The following MUC17 variants were observed in gnomAD, a reference collection of about 807,000 sequenced individuals.
MUC17 encodes mucin-17.
Under a neutral mutation model 170.3 loss-of-function variants are expected in MUC17, and 190 were observed. The ratio of observed to expected loss-of-function variants is 1.12; its 90% CI spans 0.99 to 1.26. The LOEUF (loss-of-function observed/expected upper bound fraction) is 1.26, where lower values mean the gene tolerates loss of function less well. MUC17 is among the 50% of genes most tolerant of loss of function. The pLI is 0.00. For missense variants in MUC17, 6,415 were observed against 5,530.0 expected, an observed-to-expected ratio of 1.16 and a Z score of -5.08; for synonymous variants, 2,325 against 2,002.5, an observed-to-expected ratio of 1.16 and a Z score of -4.30.
chr7:101,033,813 A>C lies in MUC17; in HGVS notation c.2397A>C (p.Ser799=). 1.9e-6 allele frequency: 3 copies of C among 1,613,836 alleles called. No homozygotes were observed. Among genetic ancestry groups the C allele is most frequent in the Non-Finnish European group, 2.5e-6 (3 of 1,179,942 alleles). ...TTTEGTSMPI[S]TPSEGSPLLT... ...CTGAAGGTACCAGCATGCCAATCTC[A>C]ACTCCTAGTGAAGGAAGTCCTTTAT... Residue 799 remains serine (S), a synonymous_variant, in exon 3 of 13, where the codon TCA becomes TCC. Transcript: ENST00000306151.
At chr7:101,049,418 C>A in intron 6 of MUC17, 36 bp downstream of exon 6, 1 of 1,594,792 alleles carries the variant, frequency 6.3e-7, no homozygotes. Flanking sequence ...GGGTCTGTGG[C>A]GTGGAAGCAG....
In MUC17 at chr7:101,038,547, A is replaced by G. The variant is rs1562813192; in HGVS notation, c.7131A>G (p.Ser2377=). The G allele has an allele frequency of 6.2e-7, 1 of 1,614,112 alleles. No individual in the cohort carries two copies. Residue 2377 remains serine (S), a synonymous_variant, in exon 3 of 13, where the codon TCA becomes TCG. Transcript: ENST00000306151. ...TGACTACTTATTCTCAAGCCGGTTC[A>G]TCTCCTACAACTGCTGACGATACTA... ...TPVTTYSQAG[S]SPTTADDTSM... is the part of the protein sequence containing the mutation.
rs147334455 is a variant in MUC17 at position 101,042,410 on chromosome 7, C to G, written c.10994C>G (p.Pro3665Arg). ...ACACTTCCTGTTGACACCAGCACAC[C>G]TGTGATCACTTCTACCCAAGTCAGT... ...ASTLPVDTST[P>R]VITSTQVSSS... Residue 3665 changes from proline to arginine, a missense_variant, in exon 3 of 13, where the codon CCT becomes CGT. Physicochemically the swap from Pro to Arg is moderately radical, Grantham distance 103. Coordinates refer to ENST00000306151, the MANE Select transcript of MUC17 (RefSeq NM_001040105.2). 1 of 1,614,172 alleles carries G rather than the reference C, an allele frequency of 6.2e-7. No homozygotes were observed. The highest frequency in any genetic ancestry group is 8.5e-7 in the Non-Finnish European group (1 of 1,180,008).
Position 101,047,859 on chromosome 7 carries a change from G to A in MUC17, c.12404-125G>A, listed in dbSNP as rs114839475. 4.9e-4 allele frequency: 583 copies of A among 1,178,858 alleles called. 3 individuals carry two copies. The African/African-American group carries it at 8.4e-3, about 17-fold the overall frequency. The allele number at this position is 1,178,858 out of a possible 1,614,324, so 73.0% of individuals were successfully genotyped here. On this transcript the variant is annotated intron_variant, in intron 3 of 12. Transcript: ENST00000306151. The stretch of plus-strand genomic sequence containing the variant: ...AAAACAAACAAATTAGACAGTGTCC[G>A]TGCAAACGCATTGTAAGCTGTAAAG...
rs755642154 is a variant in MUC17 at position 101,033,086 on chromosome 7, G to T, written c.1670G>T (p.Gly557Val). Residue 557 changes from glycine (G) to valine (V), a missense_variant, in exon 3 of 13, where the codon GGT (glycine) becomes GTT (valine). Coordinates refer to ENST00000306151, the MANE Select transcript of MUC17 (RefSeq NM_001040105.2). ...EASSSSTTPEGTSIPTSTPSE... is the reference protein window; with the variant it reads ...EASSSSTTPEVTSIPTSTPSE... Reference sequence around the variant, plus strand: ...AGTTCATCTTCTACAACTCCTGAAGGTACCAGCATACCAACCTCAACTCCT... The same window carrying T: ...AGTTCATCTTCTACAACTCCTGAAGTTACCAGCATACCAACCTCAACTCCT... 4.4e-6 allele frequency: 7 copies of T among 1,597,640 alleles called. No individual in the cohort carries two copies. The highest frequency in any genetic ancestry group is 1.7e-4 in the Middle Eastern group (1 of 5,950).
chr7:101,051,364 CAAAAAAAAAA>C (rs398005597), intron 7 of MUC17, among the ~76,000 whole-genome samples: 18 of 52,150 alleles, frequency 3.5e-4, no homozygotes, highest in African/African-American at 8.9e-4. Flanking sequence ...TACTCCATCT[CAAAAAAAAAA>C]AAAAAAAAAA....
intron 4 of MUC17, 137 bp downstream of exon 4, chr7:101,048,252 G>T: frequency 1.2e-6 from 1 of 852,776 alleles, no homozygotes; most frequent in South Asian, 3.3e-5. Context: ...GTTTTGTTTT[G>T]TTTTGTTTTG....
In MUC17 at chr7:101,035,674, C is replaced by T. The variant is rs191195575; in HGVS notation, c.4258C>T (p.Pro1420Ser). The change falls in exon 3 of 13, where the codon CCT becomes TCT. Residue 1420 changes from proline (P) to serine (S), a missense_variant. Transcript: ENST00000306151. The stretch of plus-strand genomic sequence containing the variant: ...TGAGGCTAGCACCCTTTCAGCAACT[C>T]CTGTTGACACCAGCACCCCTGGGAC... ...SSEASTLSAT[P>S]VDTSTPGTTS... The T allele has an allele frequency of 3.7e-6, 6 of 1,608,334 alleles. No individual in the cohort carries two copies. In the East Asian group the frequency reaches 1.3e-4, roughly 36 times the overall value.
chr7:101,044,084 T>C (rs1018895681), intron 3 of MUC17, among the ~76,000 whole-genome samples: 1 of 152,168 alleles, frequency 6.6e-6, no homozygotes, highest in African/African-American at 2.4e-5. Flanking sequence ...AGTGAGAACA[T>C]TTGGTGTTTG....
Position 101,034,744 on chromosome 7 carries a change from A to T in MUC17, c.3328A>T (p.Thr1110Ser), listed in dbSNP as rs535755711. The T allele has an allele frequency of 1.9e-5, 31 of 1,606,678 alleles. No individual in the cohort carries two copies. Among genetic ancestry groups the T allele is most frequent in the Non-Finnish European group, 2.0e-5 (24 of 1,175,998 alleles). ...TCCACTAACAAGTGTGCCTGTCAGC[A>T]CCAGGCTGGTGGTCAGTTCTGAGGC... ...STPLTSVPVS[T>S]RLVVSSEAST... The change falls in exon 3 of 13, where the codon ACC (threonine) becomes TCC (serine). Residue 1110 changes from threonine (T) to serine (S), a missense_variant. Physicochemically the swap from Thr to Ser is moderately conservative, Grantham distance 58. Transcript: ENST00000306151.
In MUC17 at chr7:101,032,307, A is replaced by G. The variant is rs778229932; in HGVS notation, c.891A>G (p.Thr297=). Residue 297 remains threonine, a synonymous_variant, in exon 3 of 13, where the codon ACA becomes ACG. Coordinates refer to ENST00000306151, the MANE Select transcript of MUC17 (RefSeq NM_001040105.2). ...VVSSEASTLS[T]TPAATNIPVI... ...GTTCTGAGGCTAGCACCCTTTCAACAACTCCTGCTGCCACCAACATTCCTG... is the reference window on the plus strand; with the variant it reads ...GTTCTGAGGCTAGCACCCTTTCAACGACTCCTGCTGCCACCAACATTCCTG... 1.9e-6 allele frequency: 3 copies of G among 1,613,990 alleles called. No individual in the cohort carries two copies. The highest frequency in any genetic ancestry group is 4.5e-5 in the East Asian group (2 of 44,874).
At position 101,035,321 on chromosome 7, in the gene MUC17, C is replaced by T; in HGVS notation, c.3905C>T (p.Pro1302Leu). 2 of 1,610,600 alleles carry T rather than the reference C, an allele frequency of 1.2e-6. No homozygotes were observed. Among genetic ancestry groups the T allele is most frequent in the Admixed American group, 1.7e-5 (1 of 59,868 alleles). Reference sequence around the variant, plus strand: ...GAGGCTAGCACCCTTTTAACAACTCCTGTTGACACTAAAGGTCCTGTGGTC... The same window carrying T: ...GAGGCTAGCACCCTTTTAACAACTCTTGTTGACACTAAAGGTCCTGTGGTC... ...SPEASTLLTT[P>L]VDTKGPVVTS... Residue 1302 changes from proline (P) to leucine (L), a missense_variant, in exon 3 of 13, where the codon CCT becomes CTT. Pro to Leu is a moderately conservative substitution (Grantham distance 98). Transcript: ENST00000306151.
chr7:101,046,984 G>A (rs1442129504), intron 3 of MUC17, among the ~76,000 whole-genome samples: 1 of 151,770 alleles, frequency 6.6e-6, no homozygotes, highest in Non-Finnish European at 1.5e-5. Flanking sequence ...GGGAGGCTGA[G>A]GTAGGAGAAT....
chr7:101,047,296 C>T (rs1321989830), intron 3 of MUC17, among the ~76,000 whole-genome samples: 2 of 152,070 alleles, frequency 1.3e-5, no homozygotes, highest in Admixed American at 6.6e-5. Flanking sequence ...CAAGTTCACC[C>T]GGGTTCTCCC....
At position 101,033,274 on chromosome 7, in the gene MUC17, C is replaced by T. The variant is rs1794351009; in HGVS notation, c.1858C>T (p.Pro620Ser). Residue 620 changes from proline to serine, a missense_variant, in exon 3 of 13, where the codon CCA becomes TCA. Transcript: ENST00000306151. ...TACAACTGCTGAAGGTACCAGCATG[C>T]CAACCTCAACTTACAGTGAAAGAGG... ...SSTTAEGTSMPTSTYSERGTT... is the reference protein window; with the variant it reads ...SSTTAEGTSMSTSTYSERGTT... 3 of 1,614,010 alleles carry T rather than the reference C, an allele frequency of 1.9e-6. No homozygotes were observed. The highest frequency in any genetic ancestry group is 1.7e-6 in the Non-Finnish European group (2 of 1,179,964).
rs1795096886 is a variant in MUC17 at position 101,058,735 on chromosome 7, T to C, written c.*691T>C. The C allele has an allele frequency of 6.6e-6, 1 of 152,198 alleles. No homozygotes were observed. Among genetic ancestry groups the C allele is most frequent in the African/African-American group, 2.4e-5 (1 of 41,452 alleles). The allele number at this position is 152,198 out of a possible 1,614,324, so 9.4% of individuals were successfully genotyped here. A position where few individuals can be genotyped will look rare whatever the true frequency, so the allele number is the denominator to read the frequency against. On this transcript the variant is annotated 3_prime_UTR_variant, in exon 13 of 13. Transcript: ENST00000306151. ...ATTTAAATATAGAGCATTTACCTTTTGGTATATAAGATTGTGGGTATTTTT... is the reference window on the plus strand; with the variant it reads ...ATTTAAATATAGAGCATTTACCTTTCGGTATATAAGATTGTGGGTATTTTT...
intron 1 of MUC17, 51 bp downstream of exon 1, chr7:101,020,268 A>G: frequency 6.7e-7 from 1 of 1,495,826 alleles, no homozygotes; most frequent in African/African-American, 1.4e-5. Flanking sequence ...CCCAGGGGCC[A>G]GCCTGCTCTG....
Position 101,020,193 on chromosome 7 carries a change from C to T in MUC17, c.58C>T (p.Pro20Ser), listed in dbSNP as rs1486492414. 1 of 1,609,744 alleles carries T rather than the reference C, an allele frequency of 6.2e-7. No individual in the cohort carries two copies. Among genetic ancestry groups the T allele is most frequent in the Non-Finnish European group, 8.5e-7 (1 of 1,178,134 alleles). ...GCTGACCTTGGTCCTCTCGCTCTTG[C>T]CCCCACAAGCTGCTGCAGAACAGGG... ...CLLTLVLSLL[P>S]PQAAAEQDLS... The change falls in exon 1 of 13, where the codon CCC becomes TCC. Residue 20 changes from proline (P) to serine (S), a missense_variant. Coordinates refer to ENST00000306151, the MANE Select transcript of MUC17 (RefSeq NM_001040105.2).
rs74899795 is a variant in MUC17 at position 101,035,183 on chromosome 7, C to T, written c.3767C>T (p.Thr1256Ile). ...TSTPVTTSAE[T>I]SSSPTTAEGT... Reference sequence around the variant, plus strand: ...ACACCTGTGACCACTTCTGCTGAAACCAGTTCCTCTCCTACAACCGCTGAA... The same window carrying T: ...ACACCTGTGACCACTTCTGCTGAAATCAGTTCCTCTCCTACAACCGCTGAA... Residue 1256 changes from threonine to isoleucine, a missense_variant, in exon 3 of 13, where the codon ACC becomes ATC. By Grantham distance (89) the Thr-to-Ile change is moderately conservative. Coordinates refer to ENST00000306151, the MANE Select transcript of MUC17 (RefSeq NM_001040105.2). 26,642 of 1,610,570 alleles carry T rather than the reference C, an allele frequency of 0.017. 9 individuals carry two copies. Among genetic ancestry groups the T allele is most frequent in the East Asian group, 0.15 (6,738 of 44,736 alleles).
Sources: gnomAD v4.1 joint callset for allele counts (sites outside exome capture counted in the v4.1 genomes callset) on GRCh38, gnomAD v4.1.1 for gene constraint, MANE v1.5 for transcripts, NCBI Gene and HGNC (gene_info 2026-07-23, HGNC 2026-07-21) for gene names.